The following RNF6 variants were observed in gnomAD, a reference collection of about 807,000 sequenced individuals.
The protein encoded by RNF6 is E3 ubiquitin-protein ligase RNF6.
In RNF6, 21 loss-of-function variants were observed where a neutral mutation model predicts 50.1. The ratio of observed to expected loss-of-function variants is 0.42; its 90% CI spans 0.30 to 0.60. The LOEUF is 0.60. RNF6 is among the 20% of genes least tolerant of loss of function. RNF6 has a pLI of 0.20. For synonymous variants in RNF6, 255 were observed against 291.8 expected, an observed-to-expected ratio of 0.87 and a Z score of 1.29; for missense variants, 698 against 838.2, an observed-to-expected ratio of 0.83 and a Z score of 2.07.
downstream of RNF6, chr13:26,212,728 G>C (rs1426613663): frequency 6.7e-6 from 1 of 149,918 alleles, no homozygotes; most frequent in Non-Finnish European, 1.5e-5. Context: ...AGTGGAGGGT[G>C]AATAAACCAC....
In RNF6 at chr13:26,215,180, C is replaced by A. The variant is rs764668047; in HGVS notation, c.702G>T (p.Arg234Ser). 9.3e-6 allele frequency: 15 copies of A among 1,614,088 alleles called. No homozygotes were observed. Among genetic ancestry groups the A allele is most frequent in the African/African-American group, 1.3e-5 (1 of 74,934 alleles). Residue 234 changes from arginine (R) to serine (S), a missense_variant, in exon 5 of 5, where the codon AGG (arginine) becomes AGT (serine). Coordinates refer to ENST00000381588, the MANE Select transcript of RNF6 (RefSeq NM_005977.4). ...PAEGSFSTLG[R>S]LRNGIGGAAG... The stretch of plus-strand genomic sequence containing the variant: ...CTGCTCCCCCAATTCCATTTCTTAA[C>A]CTTCCCAATGTTGAGAAAGATCCTT...
chr13:26,178,841 G>A (rs547987917), intron 5 of RNF6, among the ~76,000 whole-genome samples: 3 of 152,054 alleles, frequency 2.0e-5, no homozygotes, highest in Admixed American at 1.3e-4. Context: ...GCTTCTATGA[G>A]TTTTGACTAT....
chr13:26,169,581 T>C (rs1404529660), intron 5 of RNF6, among the ~76,000 whole-genome samples: 5 of 152,186 alleles, frequency 3.3e-5, no homozygotes, highest in African/African-American at 4.8e-5. Flanking sequence ...CTTTGAAATA[T>C]ATATAAATCT....
At chr13:26,185,447 T>TTA (rs1555317940) in intron 5 of RNF6, among the ~76,000 whole-genome samples, 2 of 152,084 alleles carry the variant, frequency 1.3e-5, no homozygotes, top group Non-Finnish European at 2.9e-5. Flanking sequence ...GCATTTTTTT[T>TTA]AAAAAAAGTT....
At chr13:26,176,397 C>G (rs890595458) in intron 5 of RNF6, among the ~76,000 whole-genome samples, 1 of 152,148 alleles carries the variant, frequency 6.6e-6, no homozygotes, top group Non-Finnish European at 1.5e-5. Flanking sequence ...TCAAGCGATC[C>G]TCCCACCTCG....
intron 5 of RNF6, among the ~76,000 whole-genome samples, chr13:26,136,999 C>T (rs1870676449): frequency 6.6e-6 from 1 of 152,190 alleles, no homozygotes; most frequent in African/African-American, 2.4e-5. Context: ...CTTTCTAGCT[C>T]AGTGGTAACT....
At chr13:26,183,926 A>T (rs1225003696) in intron 5 of RNF6, among the ~76,000 whole-genome samples, 4 of 140,708 alleles carry the variant, frequency 2.8e-5, no homozygotes, top group African/African-American at 1.1e-4. Flanking sequence ...TACAATATTT[A>T]TTTTTTTATA....
At chr13:26,217,667 T>C (rs1353548317) in intron 4 of RNF6, among the ~76,000 whole-genome samples, 1 of 152,224 alleles carries the variant, frequency 6.6e-6, no homozygotes, top group African/African-American at 2.4e-5. Context: ...TGCTGTCCAA[T>C]ACAGAAGCCA....
exon 6 of RNF6, chr13:26,132,429 C>G (rs1348434738): frequency 8.7e-6 from 4 of 460,272 alleles, no homozygotes; most frequent in African/African-American, 2.0e-5. Context: ...TCTGGTAGCA[C>G]TTCAGCTTGT....
chr13:26,180,720 G>T (rs537556042), intron 5 of RNF6, among the ~76,000 whole-genome samples: 1 of 152,166 alleles, frequency 6.6e-6, no homozygotes, highest in Non-Finnish European at 1.5e-5. Flanking sequence ...CTATTGGGAC[G>T]TCCATCAGAT....
chr13:26,215,662 T>A (rs1181776184), intron 4 of RNF6, 70 bp from the exon 5 acceptor site: 2 of 1,308,778 alleles, frequency 1.5e-6, no homozygotes, highest in South Asian at 3.1e-5. Flanking sequence ...TGAAAACTTG[T>A]AAGAAAAACA....
At chr13:26,172,201 T>C (rs1872725026) in intron 5 of RNF6, among the ~76,000 whole-genome samples, 1 of 152,184 alleles carries the variant, frequency 6.6e-6, no homozygotes, top group Non-Finnish European at 1.5e-5. Flanking sequence ...TGGTAAGTGA[T>C]GAATGCCATG....
At chr13:26,171,806 TTA>T (rs1312804417) in intron 5 of RNF6, among the ~76,000 whole-genome samples, 1 of 152,198 alleles carries the variant, frequency 6.6e-6, no homozygotes, top group African/African-American at 2.4e-5. Flanking sequence ...AGGTGAAATT[TTA>T]TATGTTTATA....
At chr13:26,210,185 G>A (rs930383256), downstream of RNF6, among the ~76,000 whole-genome samples, 14 of 152,112 alleles carry the variant, frequency 9.2e-5, no homozygotes, top group Admixed American at 2.0e-4. Flanking sequence ...ATACAGATAC[G>A]CCAGCTCTCT....
In RNF6 at chr13:26,222,099, T is replaced by G. The variant is rs575420730; in HGVS notation, c.-198A>C. On this transcript the variant is annotated 5_prime_UTR_variant, in exon 1 of 5. Coordinates refer to ENST00000381588, the MANE Select transcript of RNF6 (RefSeq NM_005977.4). ...TGGAGGCTGTGGTTGGGAGGCGGGATAGGCTTGCCGCCGCGCCTCCGGAGC... is the reference window on the plus strand; with the variant it reads ...TGGAGGCTGTGGTTGGGAGGCGGGAGAGGCTTGCCGCCGCGCCTCCGGAGC... The G allele has an allele frequency of 1.6e-4, 24 of 152,526 alleles. No individual in the cohort carries two copies. Among genetic ancestry groups the G allele is most frequent in the African/African-American group, 5.3e-4 (22 of 41,584 alleles). 9.4% of individuals were successfully genotyped at this position (152,526 alleles called of 1,614,324 possible).
chr13:26,169,912 A>AT (rs1350831043), intron 5 of RNF6, among the ~76,000 whole-genome samples: 1 of 152,216 alleles, frequency 6.6e-6, no homozygotes, highest in Non-Finnish European at 1.5e-5. Flanking sequence ...CTCTCCTATT[A>AT]TAATAGTTTT....
At chr13:26,164,952 C>A (rs778093466) in intron 5 of RNF6, among the ~76,000 whole-genome samples, 1 of 152,124 alleles carries the variant, frequency 6.6e-6, no homozygotes, top group Non-Finnish European at 1.5e-5. Flanking sequence ...CAGAAATTTG[C>A]ATAAGTGACA....
chr13:26,155,049 A>G (rs540222376), intron 5 of RNF6, among the ~76,000 whole-genome samples: 4 of 151,826 alleles, frequency 2.6e-5, no homozygotes, highest in Non-Finnish European at 5.9e-5. Context: ...AAAAAACAAA[A>G]AAAAAACTCC....
chr13:26,219,633 G>C lies in RNF6; in HGVS notation c.17C>G (p.Ser6Trp), dbSNP rs758157593. The C allele has an allele frequency of 1.2e-6, 2 of 1,613,154 alleles. No homozygotes were observed. The highest frequency in any genetic ancestry group is 2.2e-5 in the East Asian group (1 of 44,860). Residue 6 changes from serine to tryptophan, a missense_variant, in exon 3 of 5, where the codon TCG (serine) becomes TGG (tryptophan). By Grantham distance (177) the Ser-to-Trp change is radical (BLOSUM62 -3). Coordinates refer to ENST00000381588, the MANE Select transcript of RNF6 (RefSeq NM_005977.4). MNQSR[S>W]RSDGGSEETL... is the part of the protein sequence containing the mutation. ...TTCTTCACTGCCACCATCTGATCTC[G>C]ATCTAGACTGATTCATCCTGAGATT...
Sources: allele counts gnomAD v4.1 joint callset (sites outside exome capture counted in the v4.1 genomes callset), GRCh38; gene constraint gnomAD v4.1.1; transcripts MANE v1.5; gene names NCBI Gene and HGNC (gene_info 2026-07-23, HGNC 2026-07-21).